Variants in ERCC2 observed in about 807,000 individuals in gnomAD.
The protein encoded by ERCC2 is ERCC excision repair 2, TFIIH core complex helicase subunit.
A neutral mutation model predicts 99.4 loss-of-function variants in ERCC2; 90 were observed. That is an observed-to-expected ratio of 0.91 (90% confidence interval 0.76 to 1.08). The LOEUF is 1.08. ERCC2 is among the 50% of genes least tolerant of loss of function. The pLI, the probability that ERCC2 is intolerant of heterozygous loss-of-function variation, is 0.00. For missense variants in ERCC2, 993 were observed against 1,038.1 expected (o/e 0.96, Z 0.60); for synonymous variants, 497 against 432.4 (o/e 1.15, Z -1.85).
intron 8 of ERCC2, 44 bp from the exon 9 acceptor site, chr19:45,364,375 C>A: frequency 6.2e-7 from 1 of 1,613,824 alleles, no homozygotes; most frequent in Non-Finnish European, 8.5e-7. Context: ...CCTGCAGGGG[C>A]CTCACTCAGA....
In ERCC2 at chr19:45,353,562, G is replaced by A. The variant is rs3916875; in HGVS notation, c.1666-228C>T. Among the ~76,000 whole-genome samples the A allele has an allele frequency of 0.011, 1,673 of 152,286 alleles. 22 individuals carry two copies. The highest frequency in any genetic ancestry group is 0.017 in the East Asian group (89 of 5,178). ...AGTGGGGCAGGCATGTGGCCCAAGC[G>A]GGTGGCCAATCAGGGCACCCCAACC... On this transcript the variant is annotated intron_variant, in intron 17 of 22. Coordinates refer to ENST00000391945, the MANE Select transcript of ERCC2 (RefSeq NM_000400.4).
Position 45,349,923 on chromosome 19 carries a change from A to G in ERCC2, c.*1706T>C, listed in dbSNP as rs188721060. ...CATCGCTAGTTCTTATAGCGTCCCT[A>G]TGAGGTGGGAGCTGTCGCTCCACTT... On this transcript the variant is annotated 3_prime_UTR_variant, in exon 23 of 23. Coordinates refer to ENST00000391945, the MANE Select transcript of ERCC2 (RefSeq NM_000400.4). 5.2e-5 allele frequency: 22 copies of G among 423,624 alleles called. No individual in the cohort carries two copies. The highest frequency in any genetic ancestry group is 2.4e-4 in the African/African-American group (12 of 50,040). 26.2% of individuals were successfully genotyped at this position (423,624 alleles called of 1,614,324 possible).
rs1168701304 is a variant in ERCC2 at position 45,350,168 on chromosome 19, C to A, written c.*1461G>T. 1 of 610,322 alleles carries A rather than the reference C, an allele frequency of 1.6e-6. No individual in the cohort carries two copies. The highest frequency in any genetic ancestry group is 2.9e-6 in the Non-Finnish European group (1 of 347,334). 37.8% of individuals were successfully genotyped at this position (610,322 alleles called of 1,614,324 possible). A position where few individuals can be genotyped will look rare whatever the true frequency, so the allele number is the denominator to read the frequency against. On this transcript the variant is annotated 3_prime_UTR_variant, in exon 23 of 23. Transcript: ENST00000391945. ...CAGACGTGGTGGTTCACGCTTGTAA[C>A]CCCAACACTTTGGGAGGCCAAGGCA...
intron 12 of ERCC2, chr19:45,358,077 G>A (rs910942101): frequency 7.2e-5 from 26 of 360,348 alleles, no homozygotes; most frequent in African/African-American, 5.0e-4. Flanking sequence ...ATGGAGCCTC[G>A]CGCTGTCGCC....
rs368946956 is a variant in ERCC2 at position 45,357,616 on chromosome 19, G to C, written c.1307+14C>G. ...CCCACAGAGCATTCACACCCTCACC[G>C]GGCAGGGTCCCACCTGAAGTGCAGG... is the stretch of plus-strand genomic sequence containing the variant. On this transcript the variant is annotated intron_variant, in intron 13 of 22. Coordinates refer to ENST00000391945, the MANE Select transcript of ERCC2 (RefSeq NM_000400.4). The C allele has an allele frequency of 3.8e-5, 62 of 1,613,940 alleles. 1 individual carries two copies. In the South Asian group the frequency reaches 6.5e-4, roughly 17 times the overall value.
At chr19:45,366,070 C>T in intron 5 of ERCC2, among the ~76,000 whole-genome samples, 1 of 151,968 alleles carries the variant, frequency 6.6e-6, no homozygotes, top group Non-Finnish European at 1.5e-5. Context: ...CTCCTGGTCT[C>T]AAGCAATCCT....
intron 5 of ERCC2, among the ~76,000 whole-genome samples, chr19:45,367,616 C>T (rs983318584): frequency 2.0e-5 from 3 of 150,432 alleles, no homozygotes; most frequent in African/African-American, 7.4e-5. Context: ...CTCGGGAGTT[C>T]GAGCAATTCT....
chr19:45,361,778 T>C, intron 11 of ERCC2, 136 bp from the exon 12 acceptor site: 1 of 732,758 alleles, frequency 1.4e-6, no homozygotes, highest in Non-Finnish European at 2.5e-6. Flanking sequence ...GCACTGGGCC[T>C]GTTTTGGAAA....
At chr19:45,352,133 T>G (rs1599723311) in intron 22 of ERCC2, 76 bp downstream of exon 22, 2 of 1,512,344 alleles carry the variant, frequency 1.3e-6, no homozygotes, top group Non-Finnish European at 9.1e-7. Context: ...GGGTGGGGAG[T>G]GGGGAGAATC....
At chr19:45,370,350 G>C in intron 1 of ERCC2, 118 bp from the exon 2 acceptor site, 2 of 1,531,724 alleles carry the variant, frequency 1.3e-6, no homozygotes, top group Admixed American at 2.0e-5. Context: ...GTAACCCTCA[G>C]GTCCTCAGGA....
At position 45,358,688 on chromosome 19, in the gene ERCC2, A is replaced by C. The variant is rs1972100363; in HGVS notation, c.1238-989T>G. Reference sequence around the variant, plus strand: ...CCATTTGGTCATCTGAGACTGCTCAAAAGTCAGCCCCTCCGAGAGGCCCTC... The same window carrying C: ...CCATTTGGTCATCTGAGACTGCTCACAAGTCAGCCCCTCCGAGAGGCCCTC... On this transcript the variant is annotated intron_variant, in intron 12 of 22. Transcript: ENST00000391945. The C allele has an allele frequency of 4.5e-6, 3 of 659,624 alleles. No homozygotes were observed. In the South Asian group the frequency reaches 4.9e-5, roughly 11 times the overall value. The allele number at this position is 659,624 out of a possible 1,614,324, so 40.9% of individuals were successfully genotyped here.
chr19:45,358,128 C>T, intron 12 of ERCC2: 1 of 274,758 alleles, frequency 3.6e-6, no homozygotes, highest in Non-Finnish European at 7.1e-6. Context: ...TCACTGCAAG[C>T]TCAGCCTCCT....
chr19:45,358,151 T>C lies in ERCC2; in HGVS notation c.1238-452A>G, dbSNP rs978417889. 11 of 248,114 alleles carry C rather than the reference T, an allele frequency of 4.4e-5. No homozygotes were observed. The South Asian group carries it at 4.7e-4, about 11-fold the overall frequency. 15.4% of individuals were successfully genotyped at this position (248,114 alleles called of 1,614,324 possible). ...AGCTCAGCCTCCTGGGTTCAAGTGA[T>C]TGATTCTCCTGCCTCAGCCTCTTGA... On this transcript the variant is annotated intron_variant, in intron 12 of 22. Coordinates refer to ENST00000391945, the MANE Select transcript of ERCC2 (RefSeq NM_000400.4).
intron 5 of ERCC2, among the ~76,000 whole-genome samples, chr19:45,365,640 A>C (rs1036421646): frequency 2.8e-5 from 4 of 143,968 alleles, no homozygotes. Flanking sequence ...AAAATACAAA[A>C]ATGAGCCAGG....
intron 12 of ERCC2, chr19:45,358,087 C>T (rs238411): frequency 0.32 from 109,885 of 340,888 alleles, 21,947 homozygotes; most frequent in African/African-American, 0.69. Flanking sequence ...GCGCTGTCGC[C>T]CAGGCTAGAG....
chr19:45,361,434 G>A, intron 12 of ERCC2, 90 bp downstream of exon 12: 1 of 931,210 alleles, frequency 1.1e-6, no homozygotes, highest in Non-Finnish European at 1.8e-6. Context: ...ACAAAGCCCT[G>A]TGTGTCCTGC....
At chr19:45,365,501 C>T (rs1972396114) in intron 5 of ERCC2, among the ~76,000 whole-genome samples, 1 of 152,302 alleles carries the variant, frequency 6.6e-6, no homozygotes, top group African/African-American at 2.4e-5. Flanking sequence ...ATCCCAGTTA[C>T]TCGGGAGGCT....
Position 45,370,139 on chromosome 19 carries a change from G to A in ERCC2, c.99C>T (p.Asp33=), listed in dbSNP as rs1327800504. 1.3e-5 allele frequency: 21 copies of A among 1,612,966 alleles called. No individual in the cohort carries two copies. Among genetic ancestry groups the A allele is most frequent in the Non-Finnish European group, 1.8e-5 (21 of 1,179,196 alleles). ...GGGCCCACCGGCCACCCACCTTGGC[G>A]TCCAGCGTGCGTTTGAGCTCCCGCA... ...SYMRELKRTL[D]AKGHGVLEMP... Residue 33 remains aspartate, a synonymous_variant, in exon 2 of 23, where the codon GAC becomes GAT. Transcript: ENST00000391945.
chr19:45,368,627 C>T lies in ERCC2; in HGVS notation c.360+3G>A, dbSNP rs767779002. The T allele has an allele frequency of 6.3e-6, 10 of 1,594,206 alleles. No individual in the cohort carries two copies. The highest frequency in any genetic ancestry group is 7.7e-6 in the Non-Finnish European group (9 of 1,161,848). ...AGGGCAAGGAGAAGGAACAGGTGCT[C>T]ACCTCAGGGTGAATACACAAGTTTT... On this transcript the variant is annotated splice_donor_region_variant and intron_variant, in intron 5 of 22. Coordinates refer to ENST00000391945, the MANE Select transcript of ERCC2 (RefSeq NM_000400.4).
Sources: allele counts gnomAD v4.1 joint callset (sites outside exome capture counted in the v4.1 genomes callset), GRCh38; gene constraint gnomAD v4.1.1; transcripts MANE v1.5; gene names NCBI Gene and HGNC (gene_info 2026-07-23, HGNC 2026-07-21).